STS: variants seen among roughly 807,000 people sequenced by gnomAD.
The protein encoded by STS is steroid sulfatase.
In STS, 7 loss-of-function variants were observed where a neutral mutation model predicts 26.8. The observed-to-expected ratio is 0.26, with a 90% CI of 0.15 to 0.49. The LOEUF (loss-of-function observed/expected upper bound fraction) is 0.49. Ranked by LOEUF, STS falls within the 20% of genes least tolerant of loss-of-function variation. The pLI is 0.98. For missense variants in STS, 434 were observed against 465.6 expected (o/e 0.93, Z 0.63); for synonymous variants, 199 against 189.4 (o/e 1.05, Z -0.42).
At chrX:7,329,062 A>C (rs1177525204) in intron 9 of STS, among the ~76,000 whole-genome samples, 2 of 112,074 alleles carry the variant, frequency 1.8e-5, no homozygotes, top group Non-Finnish European at 3.8e-5. Context: ...GTACTAGTCC[A>C]GCTGTAAAAT....
intron 9 of STS, among the ~76,000 whole-genome samples, chrX:7,333,391 T>C (rs16984455): frequency 0.035 from 3,965 of 112,385 alleles, 150 homozygotes; most frequent in African/African-American, 0.12. Context: ...AGAGGAGATA[T>C]ATTTTCATTT....
chrX:7,190,072 C>G (rs1933845074), intron 1 of STS, among the ~76,000 whole-genome samples: 1 of 110,633 alleles, frequency 9.0e-6, no homozygotes, highest in Admixed American at 9.7e-5. Context: ...TGGGATGATT[C>G]AAGTGTGTCA....
At chrX:7,291,249 G>A (rs1392521107) in intron 7 of STS, among the ~76,000 whole-genome samples, 1 of 111,432 alleles carries the variant, frequency 9.0e-6, no homozygotes, top group Non-Finnish European at 1.9e-5. Context: ...GTCTGTCTTA[G>A]GGTGATTTCT....
chrX:7,227,205 T>A (rs1921849076), intron 2 of STS, among the ~76,000 whole-genome samples: 1 of 112,007 alleles, frequency 8.9e-6, no homozygotes, highest in Non-Finnish European at 1.9e-5. Context: ...AAAATAATTG[T>A]CTTACAAATA....
At chrX:7,170,676 G>C (rs372485283) in intron 1 of STS, among the ~76,000 whole-genome samples, 4 of 109,608 alleles carry the variant, frequency 3.6e-5, no homozygotes, top group Admixed American at 9.8e-5. Flanking sequence ...TGTAGAAATG[G>C]GGTCTCACTA....
intron 8 of STS, among the ~76,000 whole-genome samples, chrX:7,319,366 G>A (rs977358197): frequency 4.6e-5 from 5 of 109,561 alleles, no homozygotes; most frequent in Non-Finnish European, 9.5e-5. Flanking sequence ...TCACCATGGT[G>A]CCAAGACTGG....
chrX:7,203,618 T>C (rs776484023), intron 2 of STS, among the ~76,000 whole-genome samples: 6 of 111,973 alleles, frequency 5.4e-5, no homozygotes, highest in Non-Finnish European at 9.4e-5. Flanking sequence ...AAGTAGAACA[T>C]TTTATATATA....
At chrX:7,180,793 C>T (rs1438361868) in intron 1 of STS, among the ~76,000 whole-genome samples, 1 of 111,886 alleles carries the variant, frequency 8.9e-6, no homozygotes, top group Non-Finnish European at 1.9e-5. Flanking sequence ...CCCCAGCTAC[C>T]CAAGATTAAT....
intron 1 of STS, among the ~76,000 whole-genome samples, chrX:7,169,027 A>G (rs952693677): frequency 9.0e-6 from 1 of 111,466 alleles, no homozygotes; most frequent in Non-Finnish European, 1.9e-5. Flanking sequence ...AAAATATACA[A>G]TTCTGACATA....
chrX:7,171,594 C>T (rs1038161712), intron 1 of STS, among the ~76,000 whole-genome samples: 1 of 111,979 alleles, frequency 8.9e-6, no homozygotes, highest in Admixed American at 9.5e-5. Context: ...CACAATTGCA[C>T]CCAGCCGATA....
At chrX:7,215,526 T>A (rs924809382) in intron 2 of STS, among the ~76,000 whole-genome samples, 3 of 110,994 alleles carry the variant, frequency 2.7e-5, no homozygotes, top group Non-Finnish European at 3.8e-5. Context: ...CAGTGGAGAC[T>A]GGCCTGGATT....
chrX:7,227,097 G>T (rs371397853), intron 2 of STS, among the ~76,000 whole-genome samples: 3 of 111,461 alleles, frequency 2.7e-5, no homozygotes, highest in African/African-American at 9.8e-5. Flanking sequence ...ATATCTTCTT[G>T]TATAAAGTGC....
intron 10 of STS, among the ~76,000 whole-genome samples, chrX:7,344,691 G>A: frequency 8.9e-6 from 1 of 111,834 alleles, no homozygotes; most frequent in African/African-American, 3.3e-5. Flanking sequence ...TCCCCAAAAA[G>A]GAGGTGTAGT....
chrX:7,305,270 C>G, intron 8 of STS, 87 bp downstream of exon 8: 1 of 1,115,690 alleles, frequency 9.0e-7, no homozygotes, highest in South Asian at 1.9e-5. Flanking sequence ...TTCCATAGTT[C>G]TTCTGCTACT....
At chrX:7,328,131 G>A (rs764330492) in intron 9 of STS, among the ~76,000 whole-genome samples, 1 of 111,460 alleles carries the variant, frequency 9.0e-6, no homozygotes, top group Non-Finnish European at 1.9e-5. Context: ...TCTTACCTTT[G>A]GAATAAAGGT....
chrX:7,301,353 C>T (rs1361017890), intron 7 of STS, among the ~76,000 whole-genome samples: 1 of 110,794 alleles, frequency 9.0e-6, no homozygotes, highest in Non-Finnish European at 1.9e-5. Flanking sequence ...GATTGTGACA[C>T]TGCACTTCAG....
chrX:7,275,514 T>C (rs138357478), intron 6 of STS, among the ~76,000 whole-genome samples: 4,647 of 111,502 alleles, frequency 0.042, 227 homozygotes, highest in African/African-American at 0.14. Flanking sequence ...TAAAAGGTAG[T>C]CTTCTCTAGC....
chrX:7,335,307 A>T (rs574471734), intron 10 of STS, among the ~76,000 whole-genome samples: 1 of 112,087 alleles, frequency 8.9e-6, no homozygotes, highest in African/African-American at 3.2e-5. Flanking sequence ...ATTCTAACTG[A>T]TGTGAGATGG....
intron 2 of STS, among the ~76,000 whole-genome samples, chrX:7,214,435 T>C (rs1238176896): frequency 8.9e-6 from 1 of 112,598 alleles, no homozygotes; most frequent in Non-Finnish European, 1.9e-5. Flanking sequence ...CTTAATACTC[T>C]AATGGAAATC....
Sources: gnomAD v4.1 joint callset for allele counts (sites outside exome capture counted in the v4.1 genomes callset) on GRCh38, gnomAD v4.1.1 for gene constraint, MANE v1.5 for transcripts, NCBI Gene and HGNC (gene_info 2026-07-23, HGNC 2026-07-21) for gene names.